Variants in ZDHHC2 observed in about 807,000 individuals in gnomAD.
The protein encoded by ZDHHC2 is palmitoyltransferase ZDHHC2.
In ZDHHC2, 51 loss-of-function variants were observed where a neutral mutation model predicts 55.6. The ratio of observed to expected loss-of-function variants is 0.92; its 90% confidence interval spans 0.73 to 1.16. The LOEUF (loss-of-function observed/expected upper bound fraction) is 1.16, where lower values mean the gene tolerates loss of function less well. Among genes scored for constraint, ZDHHC2 ranks in the 50% most tolerant of loss-of-function variants. ZDHHC2 has a pLI of 0.00. For missense variants in ZDHHC2, 491 were observed against 442.4 expected (o/e 1.11, Z -0.99); for synonymous variants, 199 against 152.9 (o/e 1.30, Z -2.22).
chr8:17,187,605 T>C (rs1404361182), intron 3 of ZDHHC2, among the ~76,000 whole-genome samples: 1 of 152,124 alleles, frequency 6.6e-6, no homozygotes, highest in Non-Finnish European at 1.5e-5. Context: ...ATTCTCCACT[T>C]CTTTTTCTAT....
intron 1 of ZDHHC2, among the ~76,000 whole-genome samples, chr8:17,163,161 G>A (rs890855343): frequency 1.3e-5 from 2 of 152,208 alleles, no homozygotes; most frequent in African/African-American, 4.8e-5. Context: ...GAAACGAAGG[G>A]CAGGCGAGTG....
chr8:17,164,320 C>G (rs890419264), intron 1 of ZDHHC2, among the ~76,000 whole-genome samples: 1 of 152,182 alleles, frequency 6.6e-6, no homozygotes, highest in Non-Finnish European at 1.5e-5. Flanking sequence ...TAGCACTTCA[C>G]TCTGAAGTGC....
intron 3 of ZDHHC2, among the ~76,000 whole-genome samples, chr8:17,194,045 G>A (rs917194677): frequency 2.6e-5 from 4 of 152,126 alleles, no homozygotes; most frequent in African/African-American, 9.7e-5. Context: ...GTATTAGTTT[G>A]CTGAGAATGA....
At chr8:17,158,416 C>A (rs1226224101) in intron 1 of ZDHHC2, among the ~76,000 whole-genome samples, 1 of 152,188 alleles carries the variant, frequency 6.6e-6, no homozygotes, top group Non-Finnish European at 1.5e-5. Flanking sequence ...CCTGTATTAT[C>A]ACATTAAGCT....
rs113516487 is a variant in ZDHHC2 at position 17,165,178 on chromosome 8, G to A, written c.130+8325G>A. 5.9e-3 allele frequency among the ~76,000 whole-genome samples: 895 copies of A among 152,346 alleles called. 10 individuals carry two copies. Among genetic ancestry groups the A allele is most frequent in the African/African-American group, 0.02 (821 of 41,584 alleles). On this transcript the variant is annotated intron_variant, in intron 1 of 12. Coordinates refer to ENST00000262096, the MANE Select transcript of ZDHHC2 (RefSeq NM_016353.5). ...CGAGCATGAAAAAGATTTCAATTATGAGTCTCACACTGAAAGTCATAAGCT... is the reference window on the plus strand; with the variant it reads ...CGAGCATGAAAAAGATTTCAATTATAAGTCTCACACTGAAAGTCATAAGCT...
Position 17,192,264 on chromosome 8 carries a change from G to A in ZDHHC2, c.253-3240G>A, listed in dbSNP as rs1428730179. ...GCCTCCCAAAGTGCTGGGATTATAA[G>A]CATGAGCCACTGCACCTGCCCTTTG... On this transcript the variant is annotated intron_variant, in intron 3 of 12. Coordinates refer to ENST00000262096, the MANE Select transcript of ZDHHC2 (RefSeq NM_016353.5). Among the ~76,000 whole-genome samples the A allele has an allele frequency of 2.6e-5, 4 of 152,280 alleles. No homozygotes were observed. The East Asian group carries it at 7.7e-4, about 29-fold the overall frequency.
chr8:17,191,127 A>G (rs1435448248), intron 3 of ZDHHC2, among the ~76,000 whole-genome samples: 2 of 151,446 alleles, frequency 1.3e-5, no homozygotes, highest in Non-Finnish European at 1.5e-5. Context: ...ACGCCCGGCT[A>G]TTTTTTGTGG....
intron 1 of ZDHHC2, among the ~76,000 whole-genome samples, chr8:17,180,777 C>T (rs780353148): frequency 2.6e-5 from 4 of 152,176 alleles, no homozygotes; most frequent in African/African-American, 4.8e-5. Flanking sequence ...TTATCCCCAG[C>T]CATTGCTCTT....
rs566882059 is a variant in ZDHHC2, at chr8:17,186,150, A to C, written c.158-181A>C. 3.9e-5 allele frequency among the ~76,000 whole-genome samples: 6 copies of C among 152,198 alleles called. No individual in the cohort carries two copies. The South Asian group carries it at 1.2e-3, about 32-fold the overall frequency. ...ATGCATTTAGGAATTTTTGTAAAAA[A>C]CTCTTGGCTTTGGAAATAAATTCGT... On this transcript the variant is annotated intron_variant, in intron 2 of 12. Coordinates refer to ENST00000262096, the MANE Select transcript of ZDHHC2 (RefSeq NM_016353.5).
At position 17,189,883 on chromosome 8, in the gene ZDHHC2, G is replaced by T. The variant is rs79535281; in HGVS notation, c.252+3458G>T. On this transcript the variant is annotated intron_variant, in intron 3 of 12. Transcript: ENST00000262096. ...ACTATTTTTTACTATTTTACAGATG[G>T]AGCCACTGGCTTTGAACATGAAACA... Among the ~76,000 whole-genome samples the T allele has an allele frequency of 4.6e-3, 696 of 152,186 alleles. 12 individuals carry two copies. In the East Asian group the frequency reaches 0.057, roughly 12 times the overall value.
intron 1 of ZDHHC2, among the ~76,000 whole-genome samples, chr8:17,160,897 G>A (rs1167920906): frequency 6.6e-6 from 1 of 152,220 alleles, no homozygotes; most frequent in Non-Finnish European, 1.5e-5. Context: ...TGGCCCTTGG[G>A]CAAAAGTTTG....
At chr8:17,170,197 A>G (rs538393831) in intron 1 of ZDHHC2, among the ~76,000 whole-genome samples, 1 of 152,348 alleles carries the variant, frequency 6.6e-6, no homozygotes, top group Admixed American at 6.5e-5. Context: ...TTATGAATAT[A>G]TGACAGTGAA....
chr8:17,196,604 C>G (rs941255930), intron 4 of ZDHHC2, among the ~76,000 whole-genome samples: 6 of 150,434 alleles, frequency 4.0e-5, no homozygotes, highest in African/African-American at 1.5e-4. Context: ...ACAGGAAAAA[C>G]TCATTAAGAT....
chr8:17,209,096 TGTA>T (rs1807246729), intron 8 of ZDHHC2, among the ~76,000 whole-genome samples: 1 of 152,038 alleles, frequency 6.6e-6, no homozygotes, highest in African/African-American at 2.4e-5. Context: ...AAGAAGAAAA[TGTA>T]GTATTTTTGA....
intron 8 of ZDHHC2, among the ~76,000 whole-genome samples, chr8:17,209,084 T>G (rs1390884251): frequency 6.6e-6 from 1 of 152,150 alleles, no homozygotes; most frequent in Non-Finnish European, 1.5e-5. Context: ...TCAGCATGAT[T>G]CAAGAAGAAA....
intron 8 of ZDHHC2, 49 bp from the exon 9 acceptor site, chr8:17,209,883 T>C (rs776645243): frequency 6.5e-7 from 1 of 1,533,988 alleles, no homozygotes; most frequent in South Asian, 1.3e-5. Context: ...TCAGGATTGC[T>C]AGTAAATATG....
intron 7 of ZDHHC2, among the ~76,000 whole-genome samples, chr8:17,206,331 TTAAA>T (rs1357006214): frequency 1.3e-5 from 2 of 152,180 alleles, no homozygotes; most frequent in African/African-American, 2.4e-5. Flanking sequence ...ATAATGTATA[TTAAA>T]TAAGGTGCGT....
chr8:17,209,529 A>G (rs1807269206), intron 8 of ZDHHC2, among the ~76,000 whole-genome samples: 1 of 152,160 alleles, frequency 6.6e-6, no homozygotes, highest in East Asian at 1.9e-4. Context: ...AGGTTGTAGA[A>G]TGTATGTAAA....
intron 4 of ZDHHC2, 70 bp from the exon 5 acceptor site, chr8:17,197,512 A>T (rs1228201935): frequency 3.6e-5 from 48 of 1,316,732 alleles, no homozygotes; most frequent in Non-Finnish European, 5.0e-5. Context: ...TGGAGAGATG[A>T]TAAAAGCCAT....
Sources: gnomAD v4.1 joint callset for allele counts (sites outside exome capture counted in the v4.1 genomes callset) on GRCh38, gnomAD v4.1.1 for gene constraint, MANE v1.5 for transcripts, NCBI Gene and HGNC (gene_info 2026-07-23, HGNC 2026-07-21) for gene names.